The following PTPN23 variants were observed in gnomAD, a reference collection of about 807,000 sequenced individuals.
The protein encoded by PTPN23 is protein tyrosine phosphatase non-receptor type 23.
In PTPN23, 72 loss-of-function variants were observed where a neutral mutation model predicts 156.3. That is an observed-to-expected ratio of 0.46 (90% CI 0.38 to 0.56). The LOEUF (loss-of-function observed/expected upper bound fraction) is 0.56, where lower values mean the gene tolerates loss of function less well. Ranked by LOEUF, PTPN23 falls within the 20% of genes least tolerant of loss-of-function variation. The pLI is 0.00. For missense variants in PTPN23, 1,974 were observed against 2,171.5 expected (o/e 0.91, Z 1.81); for synonymous variants, 957 against 899.6 (o/e 1.06, Z -1.14).
intron 2 of PTPN23, 146 bp from the exon 3 acceptor site, chr3:47,404,506 T>C: frequency 1.0e-6 from 1 of 973,136 alleles, no homozygotes; most frequent in Non-Finnish European, 1.5e-6. Flanking sequence ...TGAACGACTA[T>C]AGGTATAGCC....
chr3:47,407,600 G>C lies in PTPN23; in HGVS notation c.1003+16G>C. The C allele has an allele frequency of 6.2e-7, 1 of 1,610,944 alleles. No homozygotes were observed. The highest frequency in any genetic ancestry group is 8.5e-7 in the Non-Finnish European group (1 of 1,177,166). On this transcript the variant is annotated intron_variant, in intron 12 of 24. Transcript: ENST00000265562. This position sits in a 1 kb window ranked among gnomAD's most constrained non-coding sequence, Gnocchi z 4.0. ...CCTGTAAAAGGTCGGGGAGCTGAGA[G>C]GTGGGGGCAGAGGTGACGGTGGGGT... is the stretch of plus-strand genomic sequence containing the variant.
At position 47,411,601 on chromosome 3, in the gene PTPN23, G is replaced by A. The variant is rs764071336; in HGVS notation, c.3803G>A (p.Gly1268Asp). 1 of 1,612,378 alleles carries A rather than the reference G, an allele frequency of 6.2e-7. No individual in the cohort carries two copies. Among genetic ancestry groups the A allele is most frequent in the South Asian group, 1.1e-5 (1 of 91,080 alleles). ...GTGGCAACCCAGGCCCCACTGCCTG[G>A]CACAGCTGCTGACTTCTGGCTCATG... Reference protein sequence around the residue: ...PLVATQAPLPGTAADFWLMVH... With the variant: ...PLVATQAPLPDTAADFWLMVH... Residue 1268 changes from glycine (G) to aspartate (D), a missense_variant, in exon 20 of 25, where the codon GGC becomes GAC. Physicochemically the swap from Gly to Asp is moderately conservative, Grantham distance 94. Coordinates refer to ENST00000265562, the MANE Select transcript of PTPN23 (RefSeq NM_015466.4). The surrounding 1 kb of genome is among the most constrained non-coding windows in gnomAD (Gnocchi z 6.3).
rs1321885396 is a variant in PTPN23 at position 47,408,330 on chromosome 3, T to C, written c.1185-15T>C. 1 of 1,611,408 alleles carries C rather than the reference T, an allele frequency of 6.2e-7. No individual in the cohort carries two copies. The highest frequency in any genetic ancestry group is 1.7e-5 in the Admixed American group (1 of 59,856). ...TCAGCACCCAGCACCCACCTGGCCC[T>C]GTTGCTCCCCACAGCCAGTTCATGG... On this transcript the variant is annotated splice_polypyrimidine_tract_variant and intron_variant, in intron 14 of 24. Transcript: ENST00000265562.
At chr3:47,384,264 C>G (rs1365040969) in intron 1 of PTPN23, among the ~76,000 whole-genome samples, 1 of 151,794 alleles carries the variant, frequency 6.6e-6, no homozygotes, top group African/African-American at 2.4e-5. Context: ...GTCAGGAGAT[C>G]AAGACCATCC....
chr3:47,393,363 G>A (rs1205415723), intron 1 of PTPN23, among the ~76,000 whole-genome samples: 1 of 152,152 alleles, frequency 6.6e-6, no homozygotes, highest in Non-Finnish European at 1.5e-5. Context: ...ATGTTGGTCA[G>A]GCTGGTCTCG....
At position 47,381,094 on chromosome 3, in the gene PTPN23, G is replaced by C; in HGVS notation, c.-3G>C. 6.4e-7 allele frequency: 1 copy of C among 1,566,494 alleles called. No individual in the cohort carries two copies. Among genetic ancestry groups the C allele is most frequent in the Non-Finnish European group, 8.6e-7 (1 of 1,156,762 alleles). On this transcript the variant is annotated 5_prime_UTR_variant, in exon 1 of 25. Transcript: ENST00000265562. ...GCCGGGTGGCCGGCGGGTGCCAGCC[G>C]CCATGGAGGCCGTGCCCCGCATGCC...
In PTPN23 at chr3:47,405,688, T is replaced by C; in HGVS notation, c.365-61T>C. 6.5e-7 allele frequency: 1 copy of C among 1,533,996 alleles called. No homozygotes were observed. Among genetic ancestry groups the C allele is most frequent in the Non-Finnish European group, 8.9e-7 (1 of 1,127,080 alleles). ...GTGGATAACAGCAGTGCCCCCTCTG[T>C]CTCACCTTCACATGGGTGTGAGCAG... On this transcript the variant is annotated intron_variant, in intron 4 of 24. Coordinates refer to ENST00000265562, the MANE Select transcript of PTPN23 (RefSeq NM_015466.4). The surrounding 1 kb of genome is among the most constrained non-coding windows in gnomAD (Gnocchi z 4.7).
intron 2 of PTPN23, among the ~76,000 whole-genome samples, chr3:47,399,574 C>T (rs1704950520): frequency 6.6e-6 from 1 of 152,194 alleles, no homozygotes; most frequent in African/African-American, 2.4e-5. Flanking sequence ...CTAGAAGGAG[C>T]ATTACCACCA....
At chr3:47,392,930 C>T (rs1308598142) in intron 1 of PTPN23, among the ~76,000 whole-genome samples, 1 of 152,016 alleles carries the variant, frequency 6.6e-6, no homozygotes, top group African/African-American at 2.4e-5. Context: ...AACTGCTAGG[C>T]TCAAGTGATC....
In PTPN23 at chr3:47,407,870, AT is replaced by A. The variant is rs777135236; in HGVS notation, c.1119-19del. ...GTCTTGAGATGTGGGTCTTCAGCAA[AT>A]GCTCTGTCGCTTCTGCAGTGAGGAG... On this transcript the variant is annotated intron_variant, in intron 13 of 24. Transcript: ENST00000265562. This position sits in a 1 kb window ranked among gnomAD's most constrained non-coding sequence, Gnocchi z 4.0. The A allele has an allele frequency of 1.9e-6, 3 of 1,614,166 alleles. No individual in the cohort carries two copies. In the South Asian group the frequency reaches 3.3e-5, roughly 18 times the overall value.
intron 1 of PTPN23, among the ~76,000 whole-genome samples, chr3:47,387,422 A>AAG (rs1553638134): frequency 2.0e-5 from 3 of 150,432 alleles, no homozygotes; most frequent in Non-Finnish European, 4.4e-5. Flanking sequence ...AAAAAAAAAA[A>AAG]GAAAGGTCAG....
chr3:47,388,281 A>G (rs1307933674), intron 1 of PTPN23, among the ~76,000 whole-genome samples: 1 of 152,086 alleles, frequency 6.6e-6, no homozygotes, highest in Non-Finnish European at 1.5e-5. Context: ...CGATCTTGGC[A>G]CACTGCAGCC....
At position 47,382,095 on chromosome 3, in the gene PTPN23, C is replaced by T. The variant is rs144510129; in HGVS notation, c.84+915C>T. Among the ~76,000 whole-genome samples the T allele has an allele frequency of 3.3e-5, 5 of 152,288 alleles. No homozygotes were observed. The East Asian group carries it at 5.8e-4, about 18-fold the overall frequency. ...CTAGATGGTGCACCACTTAGCGAGA[C>T]GCTTGGGAAGACAAATAGGAAAAAG... On this transcript the variant is annotated intron_variant, in intron 1 of 24. Transcript: ENST00000265562.
chr3:47,405,136 T>G lies in PTPN23; in HGVS notation c.364+55T>G, dbSNP rs1705092538. The G allele has an allele frequency of 1.9e-6, 3 of 1,546,180 alleles. No homozygotes were observed. The highest frequency in any genetic ancestry group is 1.1e-5 in the South Asian group (1 of 89,576). On this transcript the variant is annotated intron_variant, in intron 4 of 24. Transcript: ENST00000265562. The surrounding 1 kb of genome is among the most constrained non-coding windows in gnomAD (Gnocchi z 4.7). ...TACTCCCCAGTCCTGCCAGCCTAGC[T>G]TTCAGCTCTTCAGATGGCCACAAAG... is the stretch of plus-strand genomic sequence containing the variant.
Position 47,405,787 on chromosome 3 carries a change from G to A in PTPN23, c.403G>A (p.Val135Met), listed in dbSNP as rs754825076. 1 of 1,593,188 alleles carries A rather than the reference G, an allele frequency of 6.3e-7. No homozygotes were observed. The highest frequency in any genetic ancestry group is 1.1e-5 in the South Asian group (1 of 87,426). ...HSMLGAMDKR[V>M]SEEGMKVSCT... The stretch of plus-strand genomic sequence containing the variant: ...CATGCTGGGGGCCATGGACAAGCGG[G>A]TGTCTGAGGAGGTGAGGAGAGGGGC... The change falls in exon 5 of 25, where the codon GTG (valine) becomes ATG (methionine). Residue 135 changes from valine to methionine, a missense_variant. Coordinates refer to ENST00000265562, the MANE Select transcript of PTPN23 (RefSeq NM_015466.4). The surrounding 1 kb of genome is among the most constrained non-coding windows in gnomAD (Gnocchi z 4.7).
intron 1 of PTPN23, among the ~76,000 whole-genome samples, chr3:47,382,579 C>A (rs370120348): frequency 6.6e-6 from 1 of 151,792 alleles, no homozygotes; most frequent in Non-Finnish European, 1.5e-5. Context: ...CCTCGGCCTC[C>A]CAAAGTGCTG....
chr3:47,389,536 C>T (rs1309153790), intron 1 of PTPN23, among the ~76,000 whole-genome samples: 2 of 152,000 alleles, frequency 1.3e-5, no homozygotes, highest in African/African-American at 2.4e-5. Flanking sequence ...GGGTGGATCA[C>T]GAAGTCAAGG....
At chr3:47,397,371 G>T (rs1397358229) in intron 2 of PTPN23, among the ~76,000 whole-genome samples, 1 of 152,200 alleles carries the variant, frequency 6.6e-6, no homozygotes, top group Non-Finnish European at 1.5e-5. Context: ...CCTGTGAAGT[G>T]CAATAAAATG....
chr3:47,394,496 T>G (rs1480015555), intron 1 of PTPN23, among the ~76,000 whole-genome samples: 2 of 152,114 alleles, frequency 1.3e-5, no homozygotes, highest in African/African-American at 4.8e-5. Context: ...CCTTGAAGGT[T>G]GTGGGGAGCA....
Sources: gnomAD v4.1 joint callset for allele counts (sites outside exome capture counted in the v4.1 genomes callset) on GRCh38, gnomAD v4.1.1 for gene constraint, Gnocchi (gnomAD v3.1) non-coding constraint, MANE v1.5 for transcripts, NCBI Gene and HGNC (gene_info 2026-07-23, HGNC 2026-07-21) for gene names.